PPP3R1: variants seen among roughly 807,000 people sequenced by gnomAD.
The protein encoded by PPP3R1 is calcineurin subunit B type 1.
In PPP3R1, 5 loss-of-function variants were observed where a neutral mutation model predicts 22.6. The observed-to-expected ratio is 0.22, with a 90% CI of 0.12 to 0.46. PPP3R1 has a LOEUF of 0.46. Among genes scored for constraint, PPP3R1 ranks in the 20% least tolerant of loss-of-function variants. The pLI, the probability that PPP3R1 is intolerant of heterozygous loss-of-function variation, is 0.99. For synonymous variants in PPP3R1, 56 were observed against 65.2 expected, an observed-to-expected ratio of 0.86 and a Z score of 0.68; for missense variants, 61 against 203.2, an observed-to-expected ratio of 0.30 and a Z score of 4.25.
chr2:68,182,501 A>C (rs1366108454), intron 5 of PPP3R1, among the ~76,000 whole-genome samples: 1 of 151,900 alleles, frequency 6.6e-6, no homozygotes, highest in East Asian at 1.9e-4. Context: ...CAATGGCTTT[A>C]TCTTTATTTT....
intron 2 of PPP3R1, among the ~76,000 whole-genome samples, chr2:68,206,006 C>T (rs550857123): frequency 8.6e-5 from 13 of 152,024 alleles, no homozygotes; most frequent in Middle Eastern, 3.4e-3. Flanking sequence ...TTAGTAGAGA[C>T]GGGGTTTCTC....
rs1674346931 is a variant in PPP3R1 at position 68,179,008 on chromosome 2, A to AAAAAAAG, written c.*1954_*1955insCTTTTTT. On this transcript the variant is annotated 3_prime_UTR_variant, in exon 6 of 6. Coordinates refer to ENST00000234310, the MANE Select transcript of PPP3R1 (RefSeq NM_000945.4). ...CCACACACAAACTAAAAAAAAAAAA[A>AAAAAAAG]AAAAAAAAGAAAAAGAAAAAACCCT... 1 of 135,894 alleles carries AAAAAAAG rather than the reference A, an allele frequency of 7.4e-6. No individual in the cohort carries two copies. The allele number at this position is 135,894 out of a possible 1,614,324, so 8.4% of individuals were successfully genotyped here. A position where few individuals can be genotyped will look rare whatever the true frequency, so the allele number is the denominator to read the frequency against.
At chr2:68,182,367 A>C (rs1210433111) in intron 5 of PPP3R1, among the ~76,000 whole-genome samples, 1 of 152,182 alleles carries the variant, frequency 6.6e-6, no homozygotes, top group Non-Finnish European at 1.5e-5. Context: ...ATGCAGTGGC[A>C]ATAATTTAAA....
At chr2:68,185,518 T>C (rs1261594842) in intron 5 of PPP3R1, among the ~76,000 whole-genome samples, 1 of 148,444 alleles carries the variant, frequency 6.7e-6, no homozygotes, top group Non-Finnish European at 1.5e-5. Context: ...TTTATATATA[T>C]ATATATATCT....
Position 68,209,098 on chromosome 2 carries a change from C to T in PPP3R1, c.43+7994G>A, listed in dbSNP as rs576632920. 2.7e-3 allele frequency among the ~76,000 whole-genome samples: 408 copies of T among 151,032 alleles called. 2 individuals carry two copies. Among genetic ancestry groups the T allele is most frequent in the African/African-American group, 6.2e-3 (254 of 41,116 alleles). On this transcript the variant is annotated intron_variant, in intron 2 of 5. Coordinates refer to ENST00000234310, the MANE Select transcript of PPP3R1 (RefSeq NM_000945.4). ...AGTTGGCCGGGCGCGGTGGCTCACA[C>T]CTGTAATCCCAGCACTTTGGGAGGC... is the stretch of plus-strand genomic sequence containing the variant.
intron 2 of PPP3R1, among the ~76,000 whole-genome samples, chr2:68,212,540 G>T (rs958121489): frequency 6.6e-6 from 1 of 152,198 alleles, no homozygotes; most frequent in African/African-American, 2.4e-5. Context: ...GTGTTAGCAG[G>T]CATGAAAACG....
At chr2:68,238,931 G>GC (rs1262571587) in intron 1 of PPP3R1, among the ~76,000 whole-genome samples, 1 of 152,132 alleles carries the variant, frequency 6.6e-6, no homozygotes, top group East Asian at 1.9e-4. Flanking sequence ...TAAAACCTAT[G>GC]CAACTCTGTA....
chr2:68,232,891 G>A (rs1359756528), intron 1 of PPP3R1, among the ~76,000 whole-genome samples: 1 of 152,130 alleles, frequency 6.6e-6, no homozygotes, highest in Non-Finnish European at 1.5e-5. Context: ...ATAGGCTTGA[G>A]CCACCACACC....
Position 68,252,163 on chromosome 2 carries a change from G to T in PPP3R1, c.-36C>A. ...GGGTCGGCGGCTCGCTGGCTCGCTGGCTCGGAGAAGTGTTGCGCTCAGGCT... is the reference window on the plus strand; with the variant it reads ...GGGTCGGCGGCTCGCTGGCTCGCTGTCTCGGAGAAGTGTTGCGCTCAGGCT... On this transcript the variant is annotated 5_prime_UTR_variant, in exon 1 of 6. Coordinates refer to ENST00000234310, the MANE Select transcript of PPP3R1 (RefSeq NM_000945.4). The T allele has an allele frequency of 7.1e-7, 1 of 1,404,136 alleles. No individual in the cohort carries two copies. The highest frequency in any genetic ancestry group is 9.5e-7 in the Non-Finnish European group (1 of 1,057,002). The allele number at this position is 1,404,136 out of a possible 1,614,324, so 87.0% of individuals were successfully genotyped here. A position where few individuals can be genotyped will look rare whatever the true frequency, so the allele number is the denominator to read the frequency against.
intron 2 of PPP3R1, among the ~76,000 whole-genome samples, chr2:68,212,079 GGTTT>G (rs1362285657): frequency 3.3e-5 from 5 of 152,062 alleles, no homozygotes; most frequent in South Asian, 2.1e-4. Context: ...ATCCTTTCCC[GGTTT>G]GTTTGTTTTT....
chr2:68,228,819 TCC>T (rs1435133043), intron 1 of PPP3R1, among the ~76,000 whole-genome samples: 1 of 152,102 alleles, frequency 6.6e-6, no homozygotes, highest in Non-Finnish European at 1.5e-5. Context: ...TTTAGTTGTA[TCC>T]CACAACTTTG....
intron 1 of PPP3R1, among the ~76,000 whole-genome samples, chr2:68,221,720 G>GA (rs1669691510): frequency 6.6e-6 from 1 of 150,670 alleles, no homozygotes; most frequent in African/African-American, 2.4e-5. Context: ...CTGTGACACA[G>GA]AAAATCTTAA....
At chr2:68,197,054 T>C (rs921827771) in intron 2 of PPP3R1, among the ~76,000 whole-genome samples, 2 of 152,166 alleles carry the variant, frequency 1.3e-5, no homozygotes, top group Non-Finnish European at 2.9e-5. Flanking sequence ...TAAGCCAACT[T>C]TGAGGAATAA....
At chr2:68,236,775 A>C (rs1670027100) in intron 1 of PPP3R1, among the ~76,000 whole-genome samples, 1 of 152,168 alleles carries the variant, frequency 6.6e-6, no homozygotes, top group African/African-American at 2.4e-5. Flanking sequence ...GGTTATAAAA[A>C]CTTAAATGCC....
At chr2:68,205,110 G>A (rs1473227283) in intron 2 of PPP3R1, among the ~76,000 whole-genome samples, 1 of 151,958 alleles carries the variant, frequency 6.6e-6, no homozygotes, top group African/African-American at 2.4e-5. Flanking sequence ...TGAAAAAAGA[G>A]TATAATGAAT....
intron 2 of PPP3R1, among the ~76,000 whole-genome samples, chr2:68,213,517 G>A (rs1048193650): frequency 6.6e-6 from 1 of 152,044 alleles, no homozygotes; most frequent in Non-Finnish European, 1.5e-5. Flanking sequence ...GATTACAATA[G>A]TAACATCAAA....
chr2:68,228,817 T>C (rs1421015503), intron 1 of PPP3R1, among the ~76,000 whole-genome samples: 1 of 152,138 alleles, frequency 6.6e-6, no homozygotes, highest in African/African-American at 2.4e-5. Context: ...GCTTTAGTTG[T>C]ATCCCACAAC....
intron 2 of PPP3R1, among the ~76,000 whole-genome samples, chr2:68,204,337 T>TG (rs1675062569): frequency 1.0e-4 from 4 of 39,624 alleles, no homozygotes; most frequent in African/African-American, 7.5e-4. Context: ...ACACACACAC[T>TG]ATATATATAT....
At chr2:68,198,117 A>AGC (rs1674837964) in intron 2 of PPP3R1, among the ~76,000 whole-genome samples, 1 of 141,506 alleles carries the variant, frequency 7.1e-6, no homozygotes, top group Non-Finnish European at 1.5e-5. Flanking sequence ...TATATATGTA[A>AGC]ATATATATGT....
Sources: gnomAD v4.1 joint callset for allele counts (sites outside exome capture counted in the v4.1 genomes callset) on GRCh38, gnomAD v4.1.1 for gene constraint, MANE v1.5 for transcripts, NCBI Gene and HGNC (gene_info 2026-07-23, HGNC 2026-07-21) for gene names.